MYO16: variants seen among roughly 807,000 people sequenced by gnomAD.
MYO16 encodes the protein unconventional myosin-XVI.
Under a neutral mutation model 205.3 loss-of-function variants are expected in MYO16, and 94 were observed. The observed-to-expected ratio is 0.46, with a 90% CI of 0.39 to 0.54. MYO16 has a LOEUF of 0.54. Ranked by LOEUF, MYO16 falls within the 20% of genes least tolerant of loss-of-function variation. MYO16 has a pLI of 0.00. For missense variants in MYO16, 2,315 were observed against 2,387.5 expected (o/e 0.97, Z 0.63); for synonymous variants, 988 against 954.0 (o/e 1.04, Z -0.66).
intron 22 of MYO16, among the ~76,000 whole-genome samples, chr13:109,019,043 A>G (rs773079935): frequency 1.3e-5 from 2 of 149,516 alleles, no homozygotes; most frequent in Non-Finnish European, 3.0e-5. Flanking sequence ...ATCGTGGCTC[A>G]CTGCAACCTC....
In MYO16 at chr13:108,785,754, A is replaced by C. The variant is rs747253669; in HGVS notation, c.616+11A>C. 1 of 1,514,730 alleles carries C rather than the reference A, an allele frequency of 6.6e-7. No homozygotes were observed. Among genetic ancestry groups the C allele is most frequent in the South Asian group, 1.2e-5 (1 of 85,030 alleles). 93.8% of individuals were successfully genotyped at this position (1,514,730 alleles called of 1,614,324 possible). On this transcript the variant is annotated intron_variant, in intron 5 of 34. Transcript: ENST00000457511. ...ATCTGGATGAAAATGGTAGGCAAAAACTTTTAAAACCATAGAAAAAAATAG... is the reference window on the plus strand; with the variant it reads ...ATCTGGATGAAAATGGTAGGCAAAACCTTTTAAAACCATAGAAAAAAATAG...
At chr13:109,012,956 T>G (rs1429580917) in intron 22 of MYO16, among the ~76,000 whole-genome samples, 1 of 152,056 alleles carries the variant, frequency 6.6e-6, no homozygotes, top group African/African-American at 2.4e-5. Context: ...ACCTTGTTTT[T>G]TTTTTGTTTT....
intron 20 of MYO16, among the ~76,000 whole-genome samples, chr13:108,982,951 A>T (rs985505673): frequency 2.6e-5 from 4 of 152,120 alleles, no homozygotes; most frequent in Admixed American, 2.0e-4. Flanking sequence ...TCTGATTGGG[A>T]TGGCTAAAAT....
chr13:108,630,552 A>G (rs1192387392), intron 1 of MYO16, among the ~76,000 whole-genome samples: 1 of 152,230 alleles, frequency 6.6e-6, no homozygotes, highest in East Asian at 1.9e-4. Flanking sequence ...CCAATTCTGG[A>G]TGGTAATAAT....
intron 17 of MYO16, among the ~76,000 whole-genome samples, chr13:108,958,578 T>A (rs561309289): frequency 3.1e-4 from 47 of 152,324 alleles, no homozygotes; most frequent in Admixed American, 9.2e-4. Flanking sequence ...CAGGGTAGTT[T>A]CCAGCCACGT....
chr13:108,853,994 G>GTGTATT (rs1201575367), intron 10 of MYO16, among the ~76,000 whole-genome samples: 2 of 149,290 alleles, frequency 1.3e-5, no homozygotes, highest in East Asian at 2.0e-4. Context: ...GTGTATTTTT[G>GTGTATT]TTTGTTTGTT....
chr13:108,796,986 C>T (rs7992994), intron 6 of MYO16, among the ~76,000 whole-genome samples: 1 of 151,248 alleles, frequency 6.6e-6, no homozygotes, highest in Admixed American at 6.6e-5. Flanking sequence ...AGGGGTAAAC[C>T]GGAGAGTTTG....
At chr13:108,577,005 C>T in the MYO16 span, among the ~76,000 whole-genome samples, 5 of 152,144 alleles carry the variant, frequency 3.3e-5, no homozygotes, top group East Asian at 5.8e-4. Context: ...AAGCGCTCCT[C>T]CTGCCTCAGC....
chr13:108,578,850 T>C, the MYO16 span, among the ~76,000 whole-genome samples: 4,473 of 151,270 alleles, frequency 0.03, 96 homozygotes, highest in Non-Finnish European at 0.043. Context: ...TGGGAATACA[T>C]TTTCAGCTCA....
chr13:108,732,539 G>A (rs1884557917), intron 4 of MYO16, among the ~76,000 whole-genome samples: 1 of 152,168 alleles, frequency 6.6e-6, no homozygotes, highest in African/African-American at 2.4e-5. Context: ...GTGTATTGGA[G>A]GGACAGCAAG....
chr13:109,155,893 C>T (rs1011035268), intron 32 of MYO16, among the ~76,000 whole-genome samples: 2 of 152,072 alleles, frequency 1.3e-5, no homozygotes, highest in Non-Finnish European at 2.9e-5. Context: ...ATCTGAAATT[C>T]GTCTTTCTGA....
intron 6 of MYO16, among the ~76,000 whole-genome samples, chr13:108,806,014 G>T (rs1887103482): frequency 6.6e-6 from 1 of 152,016 alleles, no homozygotes; most frequent in African/African-American, 2.4e-5. Context: ...AGTAGGGAGA[G>T]GTGGCAGGAT....
intron 4 of MYO16, among the ~76,000 whole-genome samples, chr13:108,759,158 G>A (rs1885515240): frequency 6.8e-6 from 1 of 146,220 alleles, no homozygotes; most frequent in East Asian, 1.9e-4. Flanking sequence ...AATCATTGTA[G>A]TCTGTTAAAA....
chr13:108,953,107 G>T (rs990253796), intron 16 of MYO16, among the ~76,000 whole-genome samples: 2 of 152,104 alleles, frequency 1.3e-5, no homozygotes, highest in African/African-American at 4.8e-5. Context: ...AACAAAAAAA[G>T]TCTGGGAATG....
At chr13:108,573,449 T>A in the MYO16 span, among the ~76,000 whole-genome samples, 3 of 152,240 alleles carry the variant, frequency 2.0e-5, no homozygotes, top group Non-Finnish European at 4.4e-5. Flanking sequence ...TAATTGTGTA[T>A]AATTTGCATA....
chr13:109,081,936 TG>T (rs142461473), intron 27 of MYO16, among the ~76,000 whole-genome samples: 2,650 of 152,322 alleles, frequency 0.017, 71 homozygotes, highest in African/African-American at 0.061. Flanking sequence ...CTCAGCAGCC[TG>T]TTTTTTAAAT....
At chr13:108,498,503 C>T in the MYO16 span, among the ~76,000 whole-genome samples, 1 of 152,134 alleles carries the variant, frequency 6.6e-6, no homozygotes, top group Non-Finnish European at 1.5e-5. Context: ...TACTCCCTTC[C>T]TGTGTGATTC....
At chr13:108,816,477 A>G (rs1446950292) in intron 7 of MYO16, among the ~76,000 whole-genome samples, 1 of 151,914 alleles carries the variant, frequency 6.6e-6, no homozygotes, top group African/African-American at 2.4e-5. Context: ...AGGTCTGTGC[A>G]GCATTAACCA....
the MYO16 span, among the ~76,000 whole-genome samples, chr13:108,569,341 G>GT: frequency 2.0e-5 from 3 of 151,904 alleles, no homozygotes; most frequent in South Asian, 2.1e-4. Context: ...TTTTAACAAT[G>GT]TTTTTTTGGT....
Sources: allele counts gnomAD v4.1 joint callset (sites outside exome capture counted in the v4.1 genomes callset), GRCh38; gene constraint gnomAD v4.1.1; transcripts MANE v1.5; gene names NCBI Gene and HGNC (gene_info 2026-07-23, HGNC 2026-07-21).